Variants in PCDHA10 observed in about 807,000 individuals in gnomAD.
PCDHA10 encodes the protein protocadherin alpha 10, also known as protocadherin alpha-10.
PCDHA10 carries 45 observed loss-of-function variants against 61.2 expected under a neutral mutation model. The observed-to-expected ratio is 0.74, with a 90% CI of 0.58 to 0.94. The LOEUF (loss-of-function observed/expected upper bound fraction) is 0.94. Among genes scored for constraint, PCDHA10 ranks in the 40% least tolerant of loss-of-function variants. The pLI, the probability that PCDHA10 is intolerant of heterozygous loss-of-function variation, is 0.00. For synonymous variants in PCDHA10, 602 were observed against 548.8 expected, an observed-to-expected ratio of 1.10 and a Z score of -1.35; for missense variants, 1,278 against 1,236.2, an observed-to-expected ratio of 1.03 and a Z score of -0.51.
Position 141,011,490 on chromosome 5 carries a change from A to T in PCDHA10, c.*1553A>T, listed in dbSNP as rs2098420792. On this transcript the variant is annotated 3_prime_UTR_variant, in exon 4 of 4. Transcript: ENST00000307360. ...GTAATTCCATTATATTTCCTTTTGT[A>T]CACCTGTGAAAAAGTGGAGTAGTGT... The T allele has an allele frequency of 1.3e-5, 2 of 153,734 alleles. No homozygotes were observed. The highest frequency in any genetic ancestry group is 2.9e-5 in the Non-Finnish European group (2 of 68,036). 9.5% of individuals were successfully genotyped at this position (153,734 alleles called of 1,614,324 possible). A position where few individuals can be genotyped will look rare whatever the true frequency, so the allele number is the denominator to read the frequency against.
intron 1 of PCDHA10, chr5:140,968,517 C>T: frequency 6.2e-7 from 1 of 1,614,206 alleles, no homozygotes; most frequent in Non-Finnish European, 8.5e-7. Flanking sequence ...TACCCTACCT[C>T]AACCAACTCG....
chr5:140,860,639 G>A (rs2046488038), intron 1 of PCDHA10: 1 of 152,224 alleles, frequency 6.6e-6, no homozygotes, highest in Non-Finnish European at 1.5e-5. Flanking sequence ...AATCAGGAAC[G>A]AAGAAGATAA....
chr5:140,911,147 C>T (rs978714342), intron 1 of PCDHA10, among the ~76,000 whole-genome samples: 6 of 152,218 alleles, frequency 3.9e-5, no homozygotes, highest in Non-Finnish European at 8.8e-5. Context: ...GGTTTTTCTC[C>T]TCAGACAAAT....
Position 141,000,395 on chromosome 5 carries a change from C to CTA in PCDHA10, c.2537-9206_2537-9205dup, listed in dbSNP as rs1190667031. 1.6e-3 allele frequency among the ~76,000 whole-genome samples: 89 copies of CTA among 53,960 alleles called. 3 individuals carry two copies. Among genetic ancestry groups the CTA allele is most frequent in the Non-Finnish European group, 2.3e-3 (71 of 31,108 alleles). 35.4% of individuals were successfully genotyped at this position (53,960 alleles called of 152,430 possible). A position where few individuals can be genotyped will look rare whatever the true frequency, so the allele number is the denominator to read the frequency against. ...TCTCTCTCTCTCTCTCTCTCTCTCT[C>CTA]TATATATATATATATATATATATAT... On this transcript the variant is annotated intron_variant, in intron 3 of 3. Coordinates refer to ENST00000307360, the MANE Select transcript of PCDHA10 (RefSeq NM_018901.4).
intron 3 of PCDHA10, among the ~76,000 whole-genome samples, chr5:140,995,128 C>T (rs2097665772): frequency 6.6e-6 from 1 of 152,146 alleles, no homozygotes; most frequent in African/African-American, 2.4e-5. Context: ...ATGCCTGAAA[C>T]CTCATTTAGT....
At chr5:140,876,935 C>G in intron 1 of PCDHA10, 1 of 1,613,746 alleles carries the variant, frequency 6.2e-7, no homozygotes, top group Non-Finnish European at 8.5e-7. Flanking sequence ...CAGAAGAACG[C>G]GCTGGTGTCC....
intron 1 of PCDHA10, among the ~76,000 whole-genome samples, chr5:140,977,234 A>G (rs2096751203): frequency 1.3e-5 from 2 of 152,242 alleles, no homozygotes; most frequent in Non-Finnish European, 2.9e-5. Flanking sequence ...CCAATCATAG[A>G]AAAATTGGCA....
intron 1 of PCDHA10, among the ~76,000 whole-genome samples, chr5:140,937,163 G>A (rs1169573071): frequency 2.0e-5 from 3 of 150,028 alleles, no homozygotes; most frequent in East Asian, 4.0e-4. Flanking sequence ...TCAGCCTCCC[G>A]AGTAGCTGGG....
intron 1 of PCDHA10, chr5:140,927,901 GC>G (rs1423958386): frequency 3.1e-6 from 5 of 1,614,084 alleles, no homozygotes; most frequent in Non-Finnish European, 4.2e-6. Context: ...GAACGATCAT[GC>G]CCCCGAACTG....
intron 1 of PCDHA10, among the ~76,000 whole-genome samples, chr5:140,924,224 T>A (rs1266072324): frequency 6.6e-6 from 1 of 152,220 alleles, no homozygotes; most frequent in Non-Finnish European, 1.5e-5. Context: ...TAAGTTCAAT[T>A]TTTATGGGCT....
intron 1 of PCDHA10, chr5:140,876,061 C>G (rs782151232): frequency 6.2e-7 from 1 of 1,613,778 alleles, no homozygotes; most frequent in Non-Finnish European, 8.5e-7. Context: ...ATTAGTTCTT[C>G]GGAAGTTATT....
Position 141,000,578 on chromosome 5 carries a change from C to T in PCDHA10, c.2537-9049C>T, listed in dbSNP as rs191579983. On this transcript the variant is annotated intron_variant, in intron 3 of 3. Coordinates refer to ENST00000307360, the MANE Select transcript of PCDHA10 (RefSeq NM_018901.4). ...GAGTAGCTGGGATTACAGGTGCCTG[C>T]CACCATGCCCAGCTAATTTTTGTAT... Among the ~76,000 whole-genome samples the T allele has an allele frequency of 3.1e-3, 460 of 150,716 alleles. 6 individuals carry two copies. Among genetic ancestry groups the T allele is most frequent in the Middle Eastern group, 0.01 (3 of 290 alleles).
intron 1 of PCDHA10, 144 bp downstream of exon 1, chr5:140,858,580 A>G (rs1374882572): frequency 8.9e-6 from 12 of 1,352,620 alleles, no homozygotes; most frequent in Middle Eastern, 2.1e-4. Context: ...CCTTTGTAAT[A>G]TAATTTATTC....
chr5:140,941,199 C>CT (rs879983584), intron 1 of PCDHA10, among the ~76,000 whole-genome samples: 21,657 of 115,670 alleles, frequency 0.19, 2,171 homozygotes, highest in East Asian at 0.37. Flanking sequence ...TTTTTTCTTT[C>CT]TTCCTTTCTT....
chr5:140,918,680 C>A (rs1291001659), intron 1 of PCDHA10, among the ~76,000 whole-genome samples: 2 of 152,084 alleles, frequency 1.3e-5, no homozygotes, highest in Admixed American at 1.3e-4. Flanking sequence ...GAGGTGAGAC[C>A]TTTCAAACAT....
intron 1 of PCDHA10, chr5:140,927,331 A>T: frequency 6.2e-7 from 1 of 1,614,134 alleles, no homozygotes; most frequent in Non-Finnish European, 8.5e-7. Flanking sequence ...TACTCTCCCG[A>T]ATGCCCAAGA....
intron 1 of PCDHA10, among the ~76,000 whole-genome samples, chr5:140,923,187 T>C (rs1554201249): frequency 1.3e-5 from 2 of 152,192 alleles, no homozygotes; most frequent in African/African-American, 4.8e-5. Flanking sequence ...ATGCATCTAC[T>C]GCAGCAATTT....
At chr5:140,989,665 T>G (rs2097353443) in intron 3 of PCDHA10, among the ~76,000 whole-genome samples, 2 of 152,190 alleles carry the variant, frequency 1.3e-5, no homozygotes, top group South Asian at 4.1e-4. Flanking sequence ...TAAAAGAAAC[T>G]CTGCCCAGAT....
At chr5:140,896,894 T>A (rs1317627647) in intron 1 of PCDHA10, among the ~76,000 whole-genome samples, 6 of 152,208 alleles carry the variant, frequency 3.9e-5, no homozygotes, top group Admixed American at 2.0e-4. Context: ...TGAGACATTT[T>A]GATACAAGCA....
Sources: allele counts gnomAD v4.1 joint callset (sites outside exome capture counted in the v4.1 genomes callset), GRCh38; gene constraint gnomAD v4.1.1; transcripts MANE v1.5; gene names NCBI Gene and HGNC (gene_info 2026-07-23, HGNC 2026-07-21).